SMYD3: variants seen among roughly 807,000 people sequenced by gnomAD.
SMYD3 encodes SET and MYND domain containing 3.
SMYD3 carries 36 observed loss-of-function variants against 57.7 expected under a neutral mutation model. The observed-to-expected ratio is 0.62, with a 90% CI of 0.48 to 0.82. The LOEUF (loss-of-function observed/expected upper bound fraction) is 0.82. Ranked by LOEUF, SMYD3 falls within the 40% of genes least tolerant of loss-of-function variation. The probability of loss-of-function intolerance (pLI) is 0.00; values close to 1 mark genes in which losing one functional copy is unlikely to be tolerated. For missense variants in SMYD3, 515 were observed against 538.8 expected (o/e 0.96, Z 0.44); for synonymous variants, 211 against 195.0 (o/e 1.08, Z -0.68).
chr1:246,503,347 T>C (rs1005838193), intron 1 of SMYD3, among the ~76,000 whole-genome samples: 3 of 152,142 alleles, frequency 2.0e-5, no homozygotes, highest in African/African-American at 7.2e-5. Flanking sequence ...TTGCCAGAAG[T>C]AACTCTTGAT....
chr1:246,318,684 G>C (rs1474816457), intron 5 of SMYD3, among the ~76,000 whole-genome samples: 1 of 152,176 alleles, frequency 6.6e-6, no homozygotes, highest in African/African-American at 2.4e-5. Context: ...TATCACCTCT[G>C]TCTGCATTAA....
intron 5 of SMYD3, among the ~76,000 whole-genome samples, chr1:246,266,820 T>C (rs1019107053): frequency 6.0e-5 from 9 of 150,566 alleles, no homozygotes; most frequent in African/African-American, 1.7e-4. Flanking sequence ...AAGAGAAAGA[T>C]AGAGAGAGAA....
intron 5 of SMYD3, among the ~76,000 whole-genome samples, chr1:246,131,045 C>G (rs945950609): frequency 3.9e-5 from 6 of 152,132 alleles, no homozygotes; most frequent in Non-Finnish European, 8.8e-5. Context: ...CAGGAACCTT[C>G]CTTGTGTGGC....
At chr1:245,780,658 T>C (rs1485819139) in intron 10 of SMYD3, among the ~76,000 whole-genome samples, 1 of 152,232 alleles carries the variant, frequency 6.6e-6, no homozygotes. Flanking sequence ...CACTGAAATG[T>C]ACACTTTTAA....
At chr1:246,224,697 T>C (rs1286154140) in intron 5 of SMYD3, among the ~76,000 whole-genome samples, 1 of 151,944 alleles carries the variant, frequency 6.6e-6, no homozygotes, top group Admixed American at 6.6e-5. Context: ...GATGTTACGT[T>C]AGACTATACT....
At chr1:246,421,356 C>CA (rs1488288591) in intron 1 of SMYD3, among the ~76,000 whole-genome samples, 3 of 150,726 alleles carry the variant, frequency 2.0e-5, no homozygotes, top group Non-Finnish European at 4.4e-5. Flanking sequence ...TAAAAGTTAC[C>CA]AAAAGAATTT....
chr1:246,250,627 A>C lies in SMYD3; in HGVS notation c.531+76574T>G, dbSNP rs573694674. On this transcript the variant is annotated intron_variant, in intron 5 of 11. Coordinates refer to ENST00000490107, the MANE Select transcript of SMYD3 (RefSeq NM_001167740.2). ...TCTATTGAGTCTGAAATTAAATTGC[A>C]ATTTAAGGTCCATCTCTTAAAGCTA... 7.4e-4 allele frequency among the ~76,000 whole-genome samples: 113 copies of C among 152,318 alleles called. 1 individual carries two copies. The South Asian group carries it at 0.022, about 30-fold the overall frequency.
At chr1:246,060,518 T>C (rs963099162) in intron 5 of SMYD3, among the ~76,000 whole-genome samples, 2 of 151,974 alleles carry the variant, frequency 1.3e-5, no homozygotes, top group Admixed American at 6.5e-5. Context: ...TCTTGATTTC[T>C]GAAGATAAAA....
intron 5 of SMYD3, among the ~76,000 whole-genome samples, chr1:246,236,026 A>C (rs1224484251): frequency 6.6e-6 from 1 of 152,172 alleles, no homozygotes; most frequent in Non-Finnish European, 1.5e-5. Flanking sequence ...GGATATATAC[A>C]TTCCTGAAAA....
At chr1:246,057,393 T>C (rs1294681356) in intron 5 of SMYD3, among the ~76,000 whole-genome samples, 2 of 152,180 alleles carry the variant, frequency 1.3e-5, no homozygotes, top group African/African-American at 2.4e-5. Flanking sequence ...CCTTCCTTCT[T>C]TCCTCCCTCC....
Position 246,355,080 on chromosome 1 carries a change from A to C in SMYD3, c.179T>G (p.Met60Arg). The change falls in exon 2 of 12, where the codon ATG becomes AGG. Residue 60 changes from methionine to arginine, a missense_variant. Transcript: ENST00000490107. This position sits in a 1 kb window ranked among gnomAD's most constrained non-coding sequence, Gnocchi z 5.0. ...DRCLLGKEKLMRCSQCRVAKY... is the reference protein window; with the variant it reads ...DRCLLGKEKLRRCSQCRVAKY... ...GGCGACGCGGCACTGAGAGCATCGC[A>C]TCAGCTTTTCCTTCCTGTGGGGAAA... 2 of 1,614,232 alleles carry C rather than the reference A, an allele frequency of 1.2e-6. No individual in the cohort carries two copies.
At chr1:246,074,894 T>C (rs1407180641) in intron 5 of SMYD3, among the ~76,000 whole-genome samples, 1 of 149,300 alleles carries the variant, frequency 6.7e-6, no homozygotes, top group Admixed American at 6.6e-5. Flanking sequence ...TCTGCCAATA[T>C]AATAGCATGC....
At chr1:245,857,085 C>T (rs1039326880) in intron 10 of SMYD3, among the ~76,000 whole-genome samples, 1 of 152,226 alleles carries the variant, frequency 6.6e-6, no homozygotes, top group African/African-American at 2.4e-5. Flanking sequence ...AGTCTACAGT[C>T]TCAGCCCTCA....
At position 246,384,614 on chromosome 1, in the gene SMYD3, G is replaced by C. The variant is rs755376877; in HGVS notation, c.165-29520C>G. Among the ~76,000 whole-genome samples the C allele has an allele frequency of 9.2e-5, 14 of 152,168 alleles. No individual in the cohort carries two copies. In the East Asian group the frequency reaches 1.4e-3, roughly 15 times the overall value. ...GTTTCACCATGTTGGCCAGGCTGTT[G>C]TCAAACTCCTCACCTCAAGTGATCT... On this transcript the variant is annotated intron_variant, in intron 1 of 11. Coordinates refer to ENST00000490107, the MANE Select transcript of SMYD3 (RefSeq NM_001167740.2).
intron 5 of SMYD3, among the ~76,000 whole-genome samples, chr1:246,282,371 C>T (rs535493451): frequency 1.4e-5 from 2 of 145,392 alleles, no homozygotes; most frequent in East Asian, 2.0e-4. Context: ...TGGTGTTGCC[C>T]ACCTGTAGGC....
At chr1:245,822,707 G>A (rs1233886396) in intron 10 of SMYD3, among the ~76,000 whole-genome samples, 1 of 152,134 alleles carries the variant, frequency 6.6e-6, no homozygotes, top group Non-Finnish European at 1.5e-5. Flanking sequence ...ATTCTCTGCA[G>A]CAATCCCACC....
At chr1:246,409,159 A>G (rs566997930) in intron 1 of SMYD3, among the ~76,000 whole-genome samples, 2 of 152,234 alleles carry the variant, frequency 1.3e-5, no homozygotes, top group South Asian at 2.1e-4. Context: ...TTCTTTTGCT[A>G]TGCAGAAGCT....
intron 2 of SMYD3, among the ~76,000 whole-genome samples, chr1:246,341,159 T>C (rs12729841): frequency 0.33 from 49,437 of 152,080 alleles, 9,072 homozygotes; most frequent in East Asian, 0.73. Context: ...AAAACAAATA[T>C]AATTTTATGT....
At chr1:246,478,687 C>T (rs56168934) in intron 1 of SMYD3, among the ~76,000 whole-genome samples, 1 of 111,010 alleles carries the variant, frequency 9.0e-6, no homozygotes, top group South Asian at 2.7e-4. Flanking sequence ...TATATGCACA[C>T]CTGTCCTCCG....
Sources: gnomAD v4.1 joint callset for allele counts (sites outside exome capture counted in the v4.1 genomes callset) on GRCh38, gnomAD v4.1.1 for gene constraint, Gnocchi (gnomAD v3.1) non-coding constraint, MANE v1.5 for transcripts, NCBI Gene and HGNC (gene_info 2026-07-23, HGNC 2026-07-21) for gene names.